The following RUNX1 variants were observed in gnomAD, a reference collection of about 807,000 sequenced individuals.
RUNX1 encodes the protein RUNX family transcription factor 1.
RUNX1 carries 19 observed loss-of-function variants against 42.8 expected under a neutral mutation model. That is an observed-to-expected ratio of 0.44 (90% CI 0.31 to 0.65). RUNX1 has a LOEUF of 0.65. Ranked by LOEUF, RUNX1 falls within the 30% of genes least tolerant of loss-of-function variation. RUNX1 has a pLI of 0.07. For missense variants in RUNX1, 528 were observed against 672.0 expected, an observed-to-expected ratio of 0.79 and a Z score of 2.37; for synonymous variants, 271 against 289.4, an observed-to-expected ratio of 0.94 and a Z score of 0.64.
intron 2 of RUNX1, among the ~76,000 whole-genome samples, chr21:34,989,376 C>G (rs2058919030): frequency 6.6e-6 from 1 of 151,980 alleles, no homozygotes; most frequent in Non-Finnish European, 1.5e-5. Flanking sequence ...GTTCGTACTA[C>G]AGCTTAAATG....
intron 2 of RUNX1, among the ~76,000 whole-genome samples, chr21:35,018,076 A>G (rs1042543652): frequency 2.0e-5 from 3 of 152,084 alleles, no homozygotes; most frequent in African/African-American, 7.3e-5. Flanking sequence ...CCCAGGCTGG[A>G]GTGCACTGGT....
chr21:34,929,739 T>C (rs2058425475), intron 2 of RUNX1, among the ~76,000 whole-genome samples: 1 of 152,194 alleles, frequency 6.6e-6, no homozygotes, highest in African/African-American at 2.4e-5. Context: ...TTACAGCCTC[T>C]CAAAAGACCT....
chr21:34,855,973 T>A (rs1377879126), intron 6 of RUNX1, among the ~76,000 whole-genome samples: 1 of 152,218 alleles, frequency 6.6e-6, no homozygotes, highest in Admixed American at 6.5e-5. Context: ...CTAAGATATT[T>A]CTTAAAATCC....
At chr21:34,846,593 G>T (rs1202803928) in intron 6 of RUNX1, among the ~76,000 whole-genome samples, 1 of 6,248 alleles carries the variant, frequency 1.6e-4, no homozygotes, top group African/African-American at 7.6e-4. Context: ...GAGCTGCTGA[G>T]ATTGACTGAG....
At chr21:34,977,975 G>A (rs1230752755) in intron 2 of RUNX1, among the ~76,000 whole-genome samples, 2 of 151,030 alleles carry the variant, frequency 1.3e-5, no homozygotes, top group Admixed American at 6.6e-5. Flanking sequence ...AGGCTGGATT[G>A]CGGTGGCAGT....
At chr21:34,899,488 C>G (rs1310369680) in intron 2 of RUNX1, among the ~76,000 whole-genome samples, 1 of 152,090 alleles carries the variant, frequency 6.6e-6, no homozygotes, top group Non-Finnish European at 1.5e-5. Flanking sequence ...TTCCCAACCT[C>G]CAGAGCTGTG....
At chr21:34,950,503 C>G (rs1474117552) in intron 2 of RUNX1, among the ~76,000 whole-genome samples, 1 of 152,146 alleles carries the variant, frequency 6.6e-6, no homozygotes, top group African/African-American at 2.4e-5. Flanking sequence ...CTTTGGGAGG[C>G]CGAGGCAGGT....
intron 7 of RUNX1, among the ~76,000 whole-genome samples, chr21:34,823,429 G>GGTTTTT (rs1569027252): frequency 1.0e-5 from 1 of 99,120 alleles, no homozygotes; most frequent in African/African-American, 5.3e-5. Context: ...ATTCCTGGTG[G>GGTTTTT]GTTTTTTTTT....
At chr21:34,973,798 A>G (rs1301792686) in intron 2 of RUNX1, among the ~76,000 whole-genome samples, 1 of 152,204 alleles carries the variant, frequency 6.6e-6, no homozygotes, top group Admixed American at 6.5e-5. Flanking sequence ...CCTTTCTACT[A>G]TTGCCAGCAT....
intron 2 of RUNX1, among the ~76,000 whole-genome samples, chr21:34,967,800 A>G (rs2058732377): frequency 6.6e-6 from 1 of 152,216 alleles, no homozygotes; most frequent in South Asian, 2.1e-4. Context: ...CACTAGGGCA[A>G]CTGCCTTTAT....
intron 2 of RUNX1, among the ~76,000 whole-genome samples, chr21:34,928,510 G>A (rs537824508): frequency 2.2e-3 from 337 of 152,026 alleles, no homozygotes; most frequent in African/African-American, 7.7e-3. Context: ...CCTGGCCAAC[G>A]TGGTGAAACC....
intron 2 of RUNX1, among the ~76,000 whole-genome samples, chr21:34,967,954 A>C (rs895949942): frequency 5.9e-5 from 9 of 152,180 alleles, no homozygotes; most frequent in Admixed American, 3.9e-4. Flanking sequence ...GAAACAGTGG[A>C]CGCCTCCCTG....
At chr21:34,867,615 T>C (rs1003203644) in intron 5 of RUNX1, among the ~76,000 whole-genome samples, 24 of 152,186 alleles carry the variant, frequency 1.6e-4, no homozygotes, top group African/African-American at 5.1e-4. Context: ...GCCTCTTTAT[T>C]TGGCAGAATA....
chr21:34,958,310 T>C (rs1245211670), intron 2 of RUNX1, among the ~76,000 whole-genome samples: 1 of 152,140 alleles, frequency 6.6e-6, no homozygotes, highest in Non-Finnish European at 1.5e-5. Context: ...AGGCAAATGA[T>C]TTTAAGTCCT....
At chr21:34,967,812 T>C (rs2058732468) in intron 2 of RUNX1, among the ~76,000 whole-genome samples, 1 of 152,190 alleles carries the variant, frequency 6.6e-6, no homozygotes, top group Non-Finnish European at 1.5e-5. Flanking sequence ...TGCCTTTATT[T>C]CCAAGGCAGC....
intron 7 of RUNX1, among the ~76,000 whole-genome samples, chr21:34,817,133 G>A (rs1008875524): frequency 1.3e-5 from 2 of 152,228 alleles, no homozygotes; most frequent in Non-Finnish European, 2.9e-5. Flanking sequence ...AGTATCAACA[G>A]TGAGCACATT....
rs567500688 is a variant in RUNX1, at chr21:34,822,138, C to G, written c.805+12272G>C. ...ACGGGAACTGCAGTATCCAGAATGA[C>G]AGAATGTTAGTGTTGAAGACAACCT... On this transcript the variant is annotated intron_variant, in intron 7 of 8. Transcript: ENST00000675419. Among the ~76,000 whole-genome samples, 81 of 152,298 alleles carry G rather than the reference C, an allele frequency of 5.3e-4. 1 individual carries two copies. The highest frequency in any genetic ancestry group is 1.9e-3 in the African/African-American group (80 of 41,562).
intron 6 of RUNX1, among the ~76,000 whole-genome samples, chr21:34,849,531 A>C (rs1303010154): frequency 8.0e-6 from 1 of 125,386 alleles, no homozygotes; most frequent in East Asian, 2.1e-4. Context: ...TGAATCCAGA[A>C]TATTTGGCTA....
chr21:34,802,379 C>G (rs773799114), intron 7 of RUNX1, among the ~76,000 whole-genome samples: 14 of 152,268 alleles, frequency 9.2e-5, no homozygotes, highest in Non-Finnish European at 1.8e-4. Flanking sequence ...TGGTCCCTGC[C>G]CCACAGGCAC....
Sources: allele counts gnomAD v4.1 joint callset (sites outside exome capture counted in the v4.1 genomes callset), GRCh38; gene constraint gnomAD v4.1.1; transcripts MANE v1.5; gene names NCBI Gene and HGNC (gene_info 2026-07-23, HGNC 2026-07-21).